Variants in PRH1 observed in about 807,000 individuals in gnomAD.
PRH1 encodes salivary acidic proline-rich phosphoprotein 1/2.
PRH1 carries 7 observed loss-of-function variants against 7.9 expected under a neutral mutation model. That is an observed-to-expected ratio of 0.89 (90% confidence interval 0.50 to 1.67). The LOEUF is 1.67. Among genes scored for constraint, PRH1 ranks in the 40% most tolerant of loss-of-function variants. The pLI is 0.00. For synonymous variants in PRH1, 45 were observed against 80.8 expected, an observed-to-expected ratio of 0.56 and a Z score of 2.38; for missense variants, 109 against 223.6, an observed-to-expected ratio of 0.49 and a Z score of 3.27.
chr12:11,030,033 G>A (rs7952952), intron 1 of PRH1, among the ~76,000 whole-genome samples: 66,555 of 151,886 alleles, frequency 0.44, 15,375 homozygotes, highest in Non-Finnish European at 0.51. Flanking sequence ...CCTGGGATAA[G>A]CTGTTACTTC....
At chr12:10,930,073 G>A (rs938070946) in intron 2 of PRH1, among the ~76,000 whole-genome samples, 1 of 152,142 alleles carries the variant, frequency 6.6e-6, no homozygotes, top group African/African-American at 2.4e-5. Flanking sequence ...TTGAGTTCCT[G>A]GTTGACGCTC....
At position 11,090,337 on chromosome 12, in the gene PRH1, GTTCTC is replaced by G. The variant is rs1348442118; in HGVS notation, n.124-43154_124-43150del. 1.7e-5 allele frequency among the ~76,000 whole-genome samples: 2 copies of G among 116,574 alleles called. 1 individual carries two copies. Among genetic ancestry groups the G allele is most frequent in the Admixed American group, 1.7e-4 (2 of 11,662 alleles). The allele number at this position is 116,574 out of a possible 152,430, so 76.5% of individuals were successfully genotyped here. ...TATTTTTCAAAAAGAGAGGATTTGAGTTCTCTTATCTGAAGTTTAGAAGGAATTTT... is the reference window on the plus strand; with the variant it reads ...TATTTTTCAAAAAGAGAGGATTTGAGTTATCTGAAGTTTAGAAGGAATTTT... On this transcript the variant is annotated intron_variant and non_coding_transcript_variant, in intron 1 of 4. Coordinates refer to the PRH1 transcript ENST00000541977.
In PRH1 at chr12:11,087,398, T is replaced by C. The variant is rs1304183266; in HGVS notation, n.124-40210A>G. ...CATGAGCCATGACATCCAGCCTGCA[T>C]TGAGAGTTTCTGAAGGTCAGATGCT... On this transcript the variant is annotated intron_variant and non_coding_transcript_variant, in intron 1 of 4. Transcript: ENST00000541977. Among the ~76,000 whole-genome samples, 9 of 108,988 alleles carry C rather than the reference T, an allele frequency of 8.3e-5. 3 individuals are homozygous for C. The highest frequency in any genetic ancestry group is 1.1e-4 in the Non-Finnish European group (5 of 45,460). 71.5% of individuals were successfully genotyped at this position (108,988 alleles called of 152,430 possible). A position where few individuals can be genotyped will look rare whatever the true frequency, so the allele number is the denominator to read the frequency against.
exon 1 of PRH1, chr12:11,171,442 A>G: frequency 8.1e-7 from 1 of 1,231,944 alleles, no homozygotes; most frequent in Middle Eastern, 3.1e-4. Context: ...GTCTTCTGCA[A>G]GGGGCTCTCC....
intron 1 of PRH1, among the ~76,000 whole-genome samples, chr12:11,086,137 G>C (rs1208002528): frequency 4.3e-5 from 1 of 23,076 alleles, no homozygotes; most frequent in Non-Finnish European, 1.9e-4. Context: ...TCATGGTTGA[G>C]TAAATTATTG....
At chr12:10,909,225 C>T (rs1434064374) in intron 2 of PRH1, 2 of 1,613,730 alleles carry the variant, frequency 1.2e-6, no homozygotes, top group Admixed American at 1.7e-5. Context: ...TACTATAAAT[C>T]CATTGCTCAA....
chr12:10,924,538 C>G (rs1950098729), intron 2 of PRH1, among the ~76,000 whole-genome samples: 1 of 152,162 alleles, frequency 6.6e-6, no homozygotes, highest in Admixed American at 6.5e-5. Flanking sequence ...GGAGGATTCC[C>G]TCTTTTTCTA....
At chr12:10,929,638 A>T (rs1360218596) in intron 2 of PRH1, among the ~76,000 whole-genome samples, 1 of 152,186 alleles carries the variant, frequency 6.6e-6, no homozygotes, top group African/African-American at 2.4e-5. Context: ...GATTCAGGGA[A>T]GTGCAGCTGT....
At chr12:11,062,652 A>C (rs1296288111) in intron 1 of PRH1, among the ~76,000 whole-genome samples, 1 of 152,076 alleles carries the variant, frequency 6.6e-6, no homozygotes, top group Admixed American at 6.6e-5. Context: ...CAGTGTTTGC[A>C]ATTTTTCCTT....
Position 11,014,106 on chromosome 12 carries a change from GAATA to G in PRH1, c.-126+32910_-126+32913del, listed in dbSNP as rs566487892. The stretch of plus-strand genomic sequence containing the variant: ...TAATGTGCTATATGCCAACATGCGT[GAATA>G]AATAAATAATATAAATGGATAATCA... On this transcript the variant is annotated intron_variant, in intron 1 of 3. Transcript: ENST00000539853. Among the ~76,000 whole-genome samples the G allele has an allele frequency of 2.4e-3, 371 of 152,282 alleles. 1 individual carries two copies. The highest frequency in any genetic ancestry group is 8.6e-3 in the African/African-American group (357 of 41,570).
chr12:11,068,744 TATA>T (rs1180587264), intron 1 of PRH1, among the ~76,000 whole-genome samples: 3 of 152,146 alleles, frequency 2.0e-5, no homozygotes, highest in East Asian at 1.9e-4. Flanking sequence ...TCATTATTTC[TATA>T]ATAATAATAA....
chr12:10,960,349 T>TAA (rs1370004203), intron 2 of PRH1, among the ~76,000 whole-genome samples: 16 of 152,330 alleles, frequency 1.1e-4, no homozygotes, highest in African/African-American at 3.8e-4. Context: ...ATATCCCTAT[T>TAA]CAGTTAACCT....
chr12:11,057,302 G>A (rs2136169165), intron 1 of PRH1, among the ~76,000 whole-genome samples: 1 of 152,274 alleles, frequency 6.6e-6, no homozygotes, highest in East Asian at 1.9e-4. Flanking sequence ...CCAGCCTGCA[G>A]GGGGAGGTTT....
upstream of PRH1, chr12:11,048,305 A>G (rs1481000495): frequency 4.2e-6 from 1 of 237,086 alleles, no homozygotes; most frequent in Non-Finnish European, 8.6e-6. Flanking sequence ...GCTAAAAGAT[A>G]CACAATGCTC....
intron 1 of PRH1, among the ~76,000 whole-genome samples, chr12:11,131,271 A>G (rs1276451279): frequency 6.6e-6 from 1 of 150,954 alleles, no homozygotes; most frequent in Non-Finnish European, 1.5e-5. Flanking sequence ...AGTCAAGTGC[A>G]TGCATCTGAT....
chr12:11,098,822 A>C (rs911057599), intron 1 of PRH1, among the ~76,000 whole-genome samples: 61 of 152,204 alleles, frequency 4.0e-4, no homozygotes, highest in Non-Finnish European at 7.9e-4. Context: ...CATAAATATG[A>C]ACACAAATAC....
chr12:11,096,907 C>T, intron 1 of PRH1, among the ~76,000 whole-genome samples: 1 of 113,662 alleles, frequency 8.8e-6, no homozygotes, highest in Non-Finnish European at 2.1e-5. Flanking sequence ...ACGCCATTCT[C>T]CTGCCCCAGC....
intron 1 of PRH1, among the ~76,000 whole-genome samples, chr12:11,167,971 T>C (rs1268118434): frequency 6.6e-6 from 1 of 152,132 alleles, no homozygotes; most frequent in East Asian, 1.9e-4. Context: ...GTATAGGTGA[T>C]TTTTTATGCA....
At chr12:10,985,989 AG>A (rs1939596248) in intron 1 of PRH1, 4 of 1,612,808 alleles carry the variant, frequency 2.5e-6, no homozygotes, top group East Asian at 4.5e-5. Flanking sequence ...CAAAATCAAA[AG>A]AAAGGTGTGT....
Sources: allele counts gnomAD v4.1 joint callset (sites outside exome capture counted in the v4.1 genomes callset), GRCh38; gene constraint gnomAD v4.1.1; transcripts MANE v1.5; gene names NCBI Gene and HGNC (gene_info 2026-07-23, HGNC 2026-07-21).